Variants in APP observed in about 807,000 individuals in gnomAD.
APP encodes the protein amyloid beta precursor protein, also known as amyloid-beta precursor protein.
APP carries 31 observed loss-of-function variants against 101.4 expected under a neutral mutation model. That is an observed-to-expected ratio of 0.31 (90% CI 0.23 to 0.41). The LOEUF is 0.41. Ranked by LOEUF, APP falls within the 10% of genes least tolerant of loss-of-function variation. APP has a pLI of 1.00. For synonymous variants in APP, 366 were observed against 364.4 expected (o/e 1.00, Z -0.05); for missense variants, 839 against 1,003.7 (o/e 0.84, Z 2.22).
chr21:26,153,380 T>G (rs1326232611), intron 1 of APP, among the ~76,000 whole-genome samples: 1 of 152,238 alleles, frequency 6.6e-6, no homozygotes, highest in Non-Finnish European at 1.5e-5. Flanking sequence ...AAAACACTGT[T>G]TTAAAAATGG....
intron 14 of APP, among the ~76,000 whole-genome samples, chr21:25,909,267 A>C (rs1390156774): frequency 2.4e-5 from 2 of 83,152 alleles, no homozygotes; most frequent in Non-Finnish European, 4.1e-5. Context: ...ACTCCGTCTC[A>C]AAAAAAAAAA....
intron 2 of APP, among the ~76,000 whole-genome samples, chr21:26,093,434 T>C (rs1275892986): frequency 6.6e-6 from 1 of 152,164 alleles, no homozygotes; most frequent in African/African-American, 2.4e-5. Context: ...CATATTCACA[T>C]CATGGTTCCC....
chr21:26,141,478 G>C (rs867601878), intron 1 of APP, among the ~76,000 whole-genome samples: 5 of 152,108 alleles, frequency 3.3e-5, no homozygotes, highest in Non-Finnish European at 1.5e-5. Context: ...CTGGGTTCTG[G>C]ATGACTGAGT....
chr21:25,887,478 G>A (rs993432777), intron 17 of APP, among the ~76,000 whole-genome samples: 2 of 143,578 alleles, frequency 1.4e-5, no homozygotes, highest in African/African-American at 5.2e-5. Context: ...TGGCCTTATG[G>A]CTAAGTAAAT....
intron 1 of APP, among the ~76,000 whole-genome samples, chr21:26,118,818 G>A (rs1186513907): frequency 6.6e-6 from 1 of 151,568 alleles, no homozygotes; most frequent in South Asian, 2.1e-4. Flanking sequence ...GGGATTATAC[G>A]CATGAGCCAC....
At chr21:26,034,745 G>A (rs547077480) in intron 5 of APP, among the ~76,000 whole-genome samples, 25 of 152,120 alleles carry the variant, frequency 1.6e-4, no homozygotes, top group Admixed American at 1.3e-3. Flanking sequence ...CAGGAACAAT[G>A]TCTAAAATTG....
chr21:26,058,757 G>A (rs1291491740), intron 3 of APP, among the ~76,000 whole-genome samples: 2 of 152,164 alleles, frequency 1.3e-5, no homozygotes, highest in Non-Finnish European at 1.5e-5. Flanking sequence ...ATAACTTAGA[G>A]AGACCCTACC....
At chr21:26,103,201 T>C (rs946315397) in intron 2 of APP, among the ~76,000 whole-genome samples, 2 of 152,242 alleles carry the variant, frequency 1.3e-5, no homozygotes, top group Non-Finnish European at 2.9e-5. Flanking sequence ...TTTATGACTT[T>C]ACTATTGAAT....
intron 13 of APP, among the ~76,000 whole-genome samples, chr21:25,936,969 C>T (rs1019657807): frequency 2.0e-5 from 3 of 152,128 alleles, no homozygotes; most frequent in African/African-American, 7.2e-5. Context: ...CTGCCCCTTT[C>T]ATGGAAATGA....
chr21:25,896,941 T>G (rs2038089502), intron 16 of APP, among the ~76,000 whole-genome samples: 1 of 152,198 alleles, frequency 6.6e-6, no homozygotes, highest in Non-Finnish European at 1.5e-5. Context: ...TAAAGTGTTC[T>G]GTAAAACCAA....
intron 1 of APP, among the ~76,000 whole-genome samples, chr21:26,141,931 C>T (rs547005135): frequency 1.2e-4 from 19 of 152,290 alleles, no homozygotes; most frequent in Admixed American, 2.6e-4. Flanking sequence ...AGCCAACACC[C>T]GGTACATACC....
At chr21:26,135,818 A>G (rs1395975254) in intron 1 of APP, among the ~76,000 whole-genome samples, 3 of 152,074 alleles carry the variant, frequency 2.0e-5, no homozygotes, top group African/African-American at 7.2e-5. Context: ...CTTGGTAGGA[A>G]TATCTGGACT....
intron 13 of APP, among the ~76,000 whole-genome samples, chr21:25,948,963 C>T (rs970332768): frequency 6.6e-6 from 1 of 151,976 alleles, no homozygotes. Context: ...ATGATTCCAT[C>T]GTTTGTTGAA....
chr21:25,968,790 A>G (rs1457137793), intron 11 of APP, among the ~76,000 whole-genome samples: 1 of 152,204 alleles, frequency 6.6e-6, no homozygotes, highest in Non-Finnish European at 1.5e-5. Flanking sequence ...AAAGTCTGAG[A>G]ATATACGGTA....
At chr21:26,054,168 T>C (rs1357178286) in intron 3 of APP, among the ~76,000 whole-genome samples, 1 of 152,156 alleles carries the variant, frequency 6.6e-6, no homozygotes, top group African/African-American at 2.4e-5. Flanking sequence ...GTAATAGAGA[T>C]AAGGAAAGTG....
At chr21:26,064,743 C>A (rs770219871) in intron 3 of APP, among the ~76,000 whole-genome samples, 7 of 152,188 alleles carry the variant, frequency 4.6e-5, no homozygotes, top group African/African-American at 9.7e-5. Context: ...CCCGGCGAGG[C>A]CCATGTTCCA....
chr21:25,902,690 C>A (rs2038569153), intron 15 of APP, among the ~76,000 whole-genome samples: 1 of 152,220 alleles, frequency 6.6e-6, no homozygotes, highest in East Asian at 1.9e-4. Flanking sequence ...CTCTACTTAA[C>A]ATGCCCCTGG....
chr21:26,092,366 A>G (rs962113334), intron 2 of APP, among the ~76,000 whole-genome samples: 5 of 152,180 alleles, frequency 3.3e-5, no homozygotes, highest in African/African-American at 1.2e-4. Flanking sequence ...AACCCATGAA[A>G]AGACATGGAG....
In APP at chr21:26,053,197, T is replaced by C. The variant is rs1367983386; in HGVS notation, c.468+39A>G. The C allele has an allele frequency of 2.1e-6, 3 of 1,447,944 alleles. No individual in the cohort carries two copies. In the Admixed American group the frequency reaches 5.0e-5, roughly 24 times the overall value. The allele number at this position is 1,447,944 out of a possible 1,614,324, so 89.7% of individuals were successfully genotyped here. On this transcript the variant is annotated intron_variant, in intron 4 of 17. Transcript: ENST00000346798. ...TGCCATTAAGCACGTCCCCAGGAAA[T>C]CTTCACTTTGCAATAAGAAAGAATT...
Sources: gnomAD v4.1 joint callset for allele counts (sites outside exome capture counted in the v4.1 genomes callset) on GRCh38, gnomAD v4.1.1 for gene constraint, MANE v1.5 for transcripts, NCBI Gene and HGNC (gene_info 2026-07-23, HGNC 2026-07-21) for gene names.